Variants in NUS1 observed in about 807,000 individuals in gnomAD.
NUS1 encodes the protein dehydrodolichyl diphosphate synthase complex subunit NUS1.
For missense variants in NUS1, 292 were observed against 382.9 expected (o/e 0.76, Z 1.98); for synonymous variants, 135 against 155.2 (o/e 0.87, Z 0.97).
chr6:117,685,201 T>C (rs943166762), intron 1 of NUS1, among the ~76,000 whole-genome samples: 3 of 152,258 alleles, frequency 2.0e-5, no homozygotes, highest in Non-Finnish European at 2.9e-5. Flanking sequence ...TTCTGAGGTA[T>C]AACTTTGCTA....
At chr6:117,685,265 T>G (rs887659122) in intron 1 of NUS1, among the ~76,000 whole-genome samples, 1 of 152,232 alleles carries the variant, frequency 6.6e-6, no homozygotes, top group East Asian at 1.9e-4. Flanking sequence ...TACTTTTATT[T>G]TTTTCAACTT....
rs1433668009 is a variant in NUS1, at chr6:117,675,869, C to G, written c.199C>G (p.Arg67Gly). ...RKPPAVGRNR[R>G]HHRHPRGGSC... is the part of the protein sequence containing the mutation. ...GCCCCCGGCAGTCGGCAGGAACCGC[C>G]GTCACCACCGGCACCCGCGCGGGGG... Residue 67 changes from arginine to glycine, a missense_variant, in exon 1 of 5, where the codon CGT (arginine) becomes GGT (glycine). Transcript: ENST00000368494. The G allele has an allele frequency of 4.6e-6, 7 of 1,532,508 alleles. No individual in the cohort carries two copies. The highest frequency in any genetic ancestry group is 2.0e-5 in the Admixed American group (1 of 49,994). 94.9% of individuals were successfully genotyped at this position (1,532,508 alleles called of 1,614,324 possible). A position where few individuals can be genotyped will look rare whatever the true frequency, so the allele number is the denominator to read the frequency against.
At chr6:117,693,448 A>G (rs141079689) in intron 2 of NUS1, among the ~76,000 whole-genome samples, 3 of 152,186 alleles carry the variant, frequency 2.0e-5, no homozygotes, top group Non-Finnish European at 4.4e-5. Context: ...ATATAAATAG[A>G]GGTACAACTG....
intron 1 of NUS1, among the ~76,000 whole-genome samples, chr6:117,679,300 G>A (rs138821242): frequency 1.4e-4 from 22 of 152,302 alleles, no homozygotes; most frequent in Admixed American, 5.2e-4. Context: ...TGGGATTGGC[G>A]TGAACAGTGT....
At chr6:117,677,531 C>T (rs1000246708) in intron 1 of NUS1, among the ~76,000 whole-genome samples, 1 of 152,194 alleles carries the variant, frequency 6.6e-6, no homozygotes, top group South Asian at 2.1e-4. Context: ...AATAAATTAC[C>T]TGTGTGCTCT....
At chr6:117,702,477 G>A (rs144573605) in intron 3 of NUS1, among the ~76,000 whole-genome samples, 1 of 151,634 alleles carries the variant, frequency 6.6e-6, no homozygotes, top group African/African-American at 2.4e-5. Context: ...CTTTTTTTTT[G>A]TTGTTTTCTT....
chr6:117,691,039 A>C (rs545067020), intron 1 of NUS1, among the ~76,000 whole-genome samples: 156 of 150,900 alleles, frequency 1.0e-3, no homozygotes, highest in African/African-American at 3.5e-3. Flanking sequence ...AAAGCCATGG[A>C]ATTTTCTACA....
At chr6:117,691,556 TAG>T (rs1319195084) in intron 1 of NUS1, among the ~76,000 whole-genome samples, 386 of 36,140 alleles carry the variant, frequency 0.011, 2 homozygotes, top group Middle Eastern at 0.013. Context: ...GCCATAGATA[TAG>T]ATATATATAT....
In NUS1 at chr6:117,710,329, C is replaced by T. The variant is rs1289383315; in HGVS notation, c.*3314C>T. The T allele has an allele frequency of 6.6e-6, 1 of 151,900 alleles. No homozygotes were observed. Among genetic ancestry groups the T allele is most frequent in the Admixed American group, 6.6e-5 (1 of 15,254 alleles). 9.4% of individuals were successfully genotyped at this position (151,900 alleles called of 1,614,324 possible). A position where few individuals can be genotyped will look rare whatever the true frequency, so the allele number is the denominator to read the frequency against. On this transcript the variant is annotated 3_prime_UTR_variant, in exon 5 of 5. Coordinates refer to ENST00000368494, the MANE Select transcript of NUS1 (RefSeq NM_138459.5). ...TAGGAACTTCCTTTAGCAAAAATTACTATAAAGTTCAGGACAGTTTGAAAT... is the reference window on the plus strand; with the variant it reads ...TAGGAACTTCCTTTAGCAAAAATTATTATAAAGTTCAGGACAGTTTGAAAT...
rs555373875 is a variant in NUS1, at chr6:117,675,983, A to G, written c.313A>G (p.Ile105Val). 10 of 1,549,382 alleles carry G rather than the reference A, an allele frequency of 6.5e-6. No homozygotes were observed. The South Asian group carries it at 9.5e-5, about 15-fold the overall frequency. Residue 105 changes from isoleucine (I) to valine (V), a missense_variant, in exon 1 of 5, where the codon ATC becomes GTC. Physicochemically the swap from Ile to Val is conservative, Grantham distance 29. Coordinates refer to ENST00000368494, the MANE Select transcript of NUS1 (RefSeq NM_138459.5). ...EKLPVHMGLV[I>V]TEVEQEPSFS... ...GCTGCCTGTGCATATGGGCCTGGTG[A>G]TCACCGAGGTGGAGCAGGAACCCAG...
chr6:117,693,662 C>G (rs1245432306), intron 2 of NUS1, among the ~76,000 whole-genome samples: 1 of 152,016 alleles, frequency 6.6e-6, no homozygotes, highest in African/African-American at 2.4e-5. Flanking sequence ...TTTATTTTTT[C>G]TTTTATTCTG....
intron 3 of NUS1, among the ~76,000 whole-genome samples, chr6:117,697,314 G>A (rs1196584739): frequency 6.6e-6 from 1 of 151,846 alleles, no homozygotes; most frequent in East Asian, 1.9e-4. Flanking sequence ...AGTCCTTATC[G>A]ATAATAACAT....
intron 1 of NUS1, among the ~76,000 whole-genome samples, chr6:117,687,001 A>G (rs1040225974): frequency 2.0e-5 from 3 of 151,804 alleles, no homozygotes; most frequent in African/African-American, 4.8e-5. Context: ...ATTAGGAATC[A>G]TCTTGCCCAT....
chr6:117,698,827 G>T (rs886379005), intron 3 of NUS1, among the ~76,000 whole-genome samples: 60 of 152,156 alleles, frequency 3.9e-4, no homozygotes, highest in Admixed American at 1.8e-3. Context: ...GACCAAGTGG[G>T]ATTTATCCCA....
Position 117,708,625 on chromosome 6 carries a change from C to A in NUS1, c.*1610C>A, listed in dbSNP as rs1773533058. On this transcript the variant is annotated 3_prime_UTR_variant, in exon 5 of 5. Transcript: ENST00000368494. Reference sequence around the variant, plus strand: ...TGACATTACTTTGCACTGCATAATCCATTATACGTTGTACGACTTTTTTTT... The same window carrying A: ...TGACATTACTTTGCACTGCATAATCAATTATACGTTGTACGACTTTTTTTT... 1 of 151,114 alleles carries A rather than the reference C, an allele frequency of 6.6e-6. No homozygotes were observed. 9.4% of individuals were successfully genotyped at this position (151,114 alleles called of 1,614,324 possible).
chr6:117,693,648 A>G (rs1211450424), intron 2 of NUS1, among the ~76,000 whole-genome samples: 1 of 152,166 alleles, frequency 6.6e-6, no homozygotes, highest in Non-Finnish European at 1.5e-5. Flanking sequence ...GTTTTTTCTT[A>G]GTCTTTATTT....
At chr6:117,693,284 T>C (rs1472727535) in intron 2 of NUS1, 117 bp downstream of exon 2, 1 of 1,042,194 alleles carries the variant, frequency 9.6e-7, no homozygotes, top group African/African-American at 1.6e-5. Flanking sequence ...CTCTTTATTG[T>C]CAACATCTTT....
chr6:117,681,419 C>T (rs1773059899), intron 1 of NUS1, among the ~76,000 whole-genome samples: 1 of 152,150 alleles, frequency 6.6e-6, no homozygotes, highest in Non-Finnish European at 1.5e-5. Flanking sequence ...GCCGCATTTC[C>T]TGTAGATAAG....
At chr6:117,693,448 A>C (rs141079689) in intron 2 of NUS1, among the ~76,000 whole-genome samples, 355 of 152,304 alleles carry the variant, frequency 2.3e-3, no homozygotes, top group Non-Finnish European at 4.0e-3. Flanking sequence ...ATATAAATAG[A>C]GGTACAACTG....
Sources: gnomAD v4.1 joint callset for allele counts (sites outside exome capture counted in the v4.1 genomes callset) on GRCh38, gnomAD v4.1.1 for gene constraint, MANE v1.5 for transcripts, NCBI Gene and HGNC (gene_info 2026-07-23, HGNC 2026-07-21) for gene names.